The following DLGAP1 variants were observed in gnomAD, a reference collection of about 807,000 sequenced individuals.
DLGAP1 encodes DLG associated protein 1.
In DLGAP1, 11 loss-of-function variants were observed where a neutral mutation model predicts 90.8. The ratio of observed to expected loss-of-function variants is 0.12; its 90% confidence interval spans 0.08 to 0.20. The LOEUF (loss-of-function observed/expected upper bound fraction) is 0.20. Ranked by LOEUF, DLGAP1 falls within the 10% of genes least tolerant of loss-of-function variation. The probability of loss-of-function intolerance (pLI) is 1.00; values close to 1 mark genes in which losing one functional copy is unlikely to be tolerated. For synonymous variants in DLGAP1, 558 were observed against 540.7 expected (o/e 1.03, Z -0.44); for missense variants, 1,050 against 1,333.8 (o/e 0.79, Z 3.31).
chr18:4,396,585 C>T (rs55990619), intron 1 of DLGAP1, among the ~76,000 whole-genome samples: 1 of 152,060 alleles, frequency 6.6e-6, no homozygotes, highest in Admixed American at 6.5e-5. Context: ...TGGGTATTGG[C>T]GCTCTCTGAG....
At chr18:3,657,331 ATGTTCACAT>A (rs1490725123) in intron 7 of DLGAP1, among the ~76,000 whole-genome samples, 2 of 151,694 alleles carry the variant, frequency 1.3e-5, no homozygotes, top group Non-Finnish European at 2.9e-5. Flanking sequence ...TTAACAGATT[ATGTTCACAT>A]TGCTCTTCCT....
rs1598940484 is a variant in DLGAP1 at position 3,499,368 on chromosome 18, T to C, written c.2751A>G (p.Pro917=). 6.4e-7 allele frequency: 1 copy of C among 1,550,672 alleles called. No individual in the cohort carries two copies. Among genetic ancestry groups the C allele is most frequent in the Non-Finnish European group, 8.7e-7 (1 of 1,147,666 alleles). The part of the protein sequence containing the change: ...KKERRAPPPV[P]KKPAKGPAPL... ...GCGCGGGGCCCTTCGCCGGCTTCTT[T>C]GGCACTGGAGGAGGGGCCCTTCTCT... Residue 917 remains proline, a synonymous_variant, in exon 13 of 13, where the codon CCA becomes CCG. Coordinates refer to ENST00000315677, the MANE Select transcript of DLGAP1 (RefSeq NM_004746.4). The surrounding 1 kb of genome is among the most constrained non-coding windows in gnomAD (Gnocchi z 6.4).
At chr18:4,158,739 A>G (rs767094682) in intron 1 of DLGAP1, among the ~76,000 whole-genome samples, 8 of 152,304 alleles carry the variant, frequency 5.3e-5, no homozygotes, top group African/African-American at 1.9e-4. Flanking sequence ...CAATTTTAAT[A>G]TTCCATTTGA....
chr18:3,622,384 C>A (rs539456113), intron 7 of DLGAP1, among the ~76,000 whole-genome samples: 1 of 152,280 alleles, frequency 6.6e-6, no homozygotes, highest in South Asian at 2.1e-4. Context: ...GGATTACAGG[C>A]ATGAGCCACT....
intron 3 of DLGAP1, among the ~76,000 whole-genome samples, chr18:3,980,785 CATG>C (rs1270408855): frequency 1.1e-4 from 16 of 152,132 alleles, no homozygotes; most frequent in African/African-American, 3.9e-4. Context: ...TGGTATACAA[CATG>C]ATGTTTTGAA....
chr18:3,645,860 G>A (rs1009633141), intron 7 of DLGAP1, among the ~76,000 whole-genome samples: 2 of 152,162 alleles, frequency 1.3e-5, no homozygotes, highest in African/African-American at 4.8e-5. Flanking sequence ...TTATTCATGA[G>A]TTTTGTCATA....
At chr18:3,577,543 A>G (rs2055228025) in intron 8 of DLGAP1, among the ~76,000 whole-genome samples, 1 of 152,242 alleles carries the variant, frequency 6.6e-6, no homozygotes, top group African/African-American at 2.4e-5. Flanking sequence ...AAATTTGTTC[A>G]GAAGACGCAT....
rs1179167646 is a variant in DLGAP1 at position 3,768,188 on chromosome 18, C to T, written c.1173-25676G>A. Among the ~76,000 whole-genome samples, 3 of 152,088 alleles carry T rather than the reference C, an allele frequency of 2.0e-5. No homozygotes were observed. In the South Asian group the frequency reaches 6.2e-4, roughly 32 times the overall value. On this transcript the variant is annotated intron_variant, in intron 5 of 12. Transcript: ENST00000315677. ...ACACCTGGACGCAGAAATTAAAAAT[C>T]CAATACCATTTACAACTGCTTAGAA...
At chr18:4,177,352 AC>A (rs1446054269) in intron 1 of DLGAP1, among the ~76,000 whole-genome samples, 3 of 12,748 alleles carry the variant, frequency 2.4e-4, no homozygotes, top group African/African-American at 1.6e-3. Flanking sequence ...CTTTCTTTGA[AC>A]ACACACACAC....
At chr18:3,535,443 C>A (rs926600774) in intron 9 of DLGAP1, among the ~76,000 whole-genome samples, 1 of 152,074 alleles carries the variant, frequency 6.6e-6, no homozygotes, top group African/African-American at 2.4e-5. Flanking sequence ...CGTGGTGGCT[C>A]ACGCCCGTAA....
rs539115029 is a variant in DLGAP1, at chr18:4,450,673, C to T, written c.-267+4333G>A. Among the ~76,000 whole-genome samples, 13 of 152,328 alleles carry T rather than the reference C, an allele frequency of 8.5e-5. No individual in the cohort carries two copies. The East Asian group carries it at 2.1e-3, about 25-fold the overall frequency. On this transcript the variant is annotated intron_variant, in intron 1 of 12. Transcript: ENST00000315677. The stretch of plus-strand genomic sequence containing the variant: ...GGCAAGATTGAGCAGTTCCAAATCA[C>T]ACACTTTGTGGTTTGCTGTTGTGCT...
chr18:4,182,410 C>CA (rs1375167255), intron 1 of DLGAP1, among the ~76,000 whole-genome samples: 15 of 152,178 alleles, frequency 9.9e-5, no homozygotes, highest in African/African-American at 3.6e-4. Flanking sequence ...ACTACGTTAG[C>CA]AAGCTTTGCA....
intron 4 of DLGAP1, among the ~76,000 whole-genome samples, chr18:3,859,651 G>A (rs1410844026): frequency 6.6e-6 from 1 of 152,140 alleles, no homozygotes; most frequent in Non-Finnish European, 1.5e-5. Context: ...GAGGCCAGGA[G>A]TCAAGGAATG....
Position 4,389,614 on chromosome 18 carries a change from G to T in DLGAP1, c.-267+65392C>A, listed in dbSNP as rs572157256. The stretch of plus-strand genomic sequence containing the variant: ...TTTTCTATGATTGGTTAAATTAAAT[G>T]ATTTTTATTTTCTTCTTTATCTTCA... On this transcript the variant is annotated intron_variant, in intron 1 of 12. Transcript: ENST00000315677. Among the ~76,000 whole-genome samples the T allele has an allele frequency of 2.0e-5, 3 of 152,232 alleles. No homozygotes were observed. The South Asian group carries it at 6.2e-4, about 32-fold the overall frequency.
rs553614098 is a variant in DLGAP1, at chr18:3,664,125, G to A, written c.1591+65010C>T. Among the ~76,000 whole-genome samples, 16 of 151,414 alleles carry A rather than the reference G, an allele frequency of 1.1e-4. 1 individual carries two copies. The South Asian group carries it at 3.1e-3, about 30-fold the overall frequency. On this transcript the variant is annotated intron_variant, in intron 7 of 12. Coordinates refer to ENST00000315677, the MANE Select transcript of DLGAP1 (RefSeq NM_004746.4). ...TACCATTGGCTCTCCTGGGTTTCAA[G>A]CTTGCTTGCTGACTGCAGATCTTGG... is the stretch of plus-strand genomic sequence containing the variant.
intron 7 of DLGAP1, among the ~76,000 whole-genome samples, chr18:3,608,641 TGA>T (rs1252003624): frequency 6.6e-6 from 1 of 152,140 alleles, no homozygotes; most frequent in Non-Finnish European, 1.5e-5. Flanking sequence ...TCACTCACTG[TGA>T]GAGCTGGCCA....
At chr18:3,834,159 A>G (rs1018848923) in intron 4 of DLGAP1, among the ~76,000 whole-genome samples, 1 of 151,918 alleles carries the variant, frequency 6.6e-6, no homozygotes, top group South Asian at 2.1e-4. Flanking sequence ...ACAAAAAATT[A>G]GCCGGGTGTG....
At chr18:3,627,963 C>T (rs1005937394) in intron 7 of DLGAP1, among the ~76,000 whole-genome samples, 10 of 149,882 alleles carry the variant, frequency 6.7e-5, no homozygotes, top group Admixed American at 2.7e-4. Context: ...CTGCAACCTC[C>T]CACCTCCCCG....
chr18:3,624,988 C>A (rs1346038321), intron 7 of DLGAP1, among the ~76,000 whole-genome samples: 1 of 152,168 alleles, frequency 6.6e-6, no homozygotes, highest in African/African-American at 2.4e-5. Flanking sequence ...ACACAATATG[C>A]AGAAGGGAAA....
Sources: allele counts gnomAD v4.1 joint callset (sites outside exome capture counted in the v4.1 genomes callset), GRCh38; gene constraint gnomAD v4.1.1; non-coding constraint Gnocchi (gnomAD v3.1); transcripts MANE v1.5; gene names NCBI Gene and HGNC (gene_info 2026-07-23, HGNC 2026-07-21).